Variants in MRTFA observed in about 807,000 individuals in gnomAD.
MRTFA encodes myocardin-related transcription factor A.
MRTFA carries 20 observed loss-of-function variants against 83.5 expected under a neutral mutation model. The ratio of observed to expected loss-of-function variants is 0.24; its 90% CI spans 0.17 to 0.35. The LOEUF is 0.35. Among genes scored for constraint, MRTFA ranks in the 10% least tolerant of loss-of-function variants. MRTFA has a pLI of 1.00. For missense variants in MRTFA, 1,200 were observed against 1,224.7 expected (o/e 0.98, Z 0.30); for synonymous variants, 659 against 541.2 (o/e 1.22, Z -3.02).
At chr22:40,549,770 G>A (rs1193453867) in intron 3 of MRTFA, among the ~76,000 whole-genome samples, 1 of 152,138 alleles carries the variant, frequency 6.6e-6, no homozygotes, top group African/African-American at 2.4e-5. Context: ...TTAGATTGAG[G>A]GCTAGGTGTG....
At chr22:40,616,751 T>C (rs2056453171) in intron 1 of MRTFA, among the ~76,000 whole-genome samples, 1 of 152,058 alleles carries the variant, frequency 6.6e-6, no homozygotes, top group Non-Finnish European at 1.5e-5. Flanking sequence ...GGAATGTAAA[T>C]TTGAGATGTC....
At chr22:40,455,479 T>C (rs1347184650) in intron 4 of MRTFA, among the ~76,000 whole-genome samples, 1 of 151,922 alleles carries the variant, frequency 6.6e-6, no homozygotes, top group African/African-American at 2.4e-5. Flanking sequence ...ACCCCGTCTC[T>C]ACTAAAAATA....
rs1267844629 is a variant in MRTFA, at chr22:40,420,561, G to A, written c.1197C>T (p.Ala399=). ...CTGGGGGGGTCCCGCTGCTTCCCAGGGCCTCGCCTGCTGACCTGGGAAGAA... is the reference window on the plus strand; with the variant it reads ...CTGGGGGGGTCCCGCTGCTTCCCAGAGCCTCGCCTGCTGACCTGGGAAGAA... The change falls in exon 11 of 15, where the codon GCC becomes GCT. Residue 399 remains alanine, a synonymous_variant. Transcript: ENST00000355630. 1.2e-6 allele frequency: 2 copies of A among 1,613,238 alleles called. No homozygotes were observed. Among genetic ancestry groups the A allele is most frequent in the Non-Finnish European group, 1.7e-6 (2 of 1,179,942 alleles).
At chr22:40,607,339 C>T (rs950964698) in intron 1 of MRTFA, among the ~76,000 whole-genome samples, 8 of 152,070 alleles carry the variant, frequency 5.3e-5, no homozygotes, top group African/African-American at 1.9e-4. Flanking sequence ...CCCATCTCTA[C>T]TAAAAATACA....
At chr22:40,440,148 T>C (rs2053247631) in intron 4 of MRTFA, among the ~76,000 whole-genome samples, 1 of 123,112 alleles carries the variant, frequency 8.1e-6, no homozygotes, top group Non-Finnish European at 1.6e-5. Flanking sequence ...TGAGACTCCG[T>C]CTCAAAAAAA....
At chr22:40,534,116 C>T (rs902421801) in intron 3 of MRTFA, among the ~76,000 whole-genome samples, 9 of 152,094 alleles carry the variant, frequency 5.9e-5, no homozygotes, top group African/African-American at 1.9e-4. Flanking sequence ...AATTACTGAC[C>T]CATTGATGAG....
In MRTFA at chr22:40,590,397, G is replaced by A. The variant is rs142944676; in HGVS notation, c.-22+4277C>T. Among the ~76,000 whole-genome samples, 487 of 152,116 alleles carry A rather than the reference G, an allele frequency of 3.2e-3. 5 individuals are homozygous for A. Among genetic ancestry groups the A allele is most frequent in the South Asian group, 0.012 (57 of 4,816 alleles). On this transcript the variant is annotated intron_variant, in intron 2 of 14. Coordinates refer to ENST00000355630, the MANE Select transcript of MRTFA (RefSeq NM_020831.6). ...AAAAAGCTCCAGTGTAGCCGGGCGC[G>A]GTGGCTCATACCTGTAATCCCAGCA...
At chr22:40,470,299 G>A (rs1310753911) in intron 3 of MRTFA, among the ~76,000 whole-genome samples, 1 of 106,494 alleles carries the variant, frequency 9.4e-6, no homozygotes, top group African/African-American at 4.0e-5. Flanking sequence ...ATAATAAAGA[G>A]CAAAAGAAAA....
chr22:40,479,947 G>T (rs967809072), intron 3 of MRTFA, among the ~76,000 whole-genome samples: 1 of 152,106 alleles, frequency 6.6e-6, no homozygotes, highest in Non-Finnish European at 1.5e-5. Flanking sequence ...CATCTAACCA[G>T]GTAACTTTCA....
At chr22:40,535,462 C>A (rs989980055) in intron 3 of MRTFA, among the ~76,000 whole-genome samples, 15 of 151,158 alleles carry the variant, frequency 9.9e-5, no homozygotes, top group African/African-American at 3.7e-4. Flanking sequence ...AAGCGATCCT[C>A]CTACCTCAGC....
intron 2 of MRTFA, among the ~76,000 whole-genome samples, chr22:40,576,365 G>C (rs951547595): frequency 3.9e-5 from 6 of 152,140 alleles, no homozygotes; most frequent in Non-Finnish European, 5.9e-5. Context: ...ATTCATCTCA[G>C]TATATGAATG....
intron 14 of MRTFA, among the ~76,000 whole-genome samples, chr22:40,413,549 C>T (rs2052608710): frequency 1.3e-5 from 2 of 151,672 alleles, no homozygotes; most frequent in Non-Finnish European, 1.5e-5. Flanking sequence ...CCTCGTGATC[C>T]GCCTGCCTTG....
At chr22:40,439,366 A>C (rs1476252912) in intron 4 of MRTFA, among the ~76,000 whole-genome samples, 1 of 151,976 alleles carries the variant, frequency 6.6e-6, no homozygotes, top group Non-Finnish European at 1.5e-5. Flanking sequence ...TTAGTCAGGC[A>C]TGGTGGCAGG....
intron 1 of MRTFA, among the ~76,000 whole-genome samples, chr22:40,613,174 ATTCCT>A (rs981571284): frequency 1.1e-4 from 16 of 152,236 alleles, no homozygotes; most frequent in African/African-American, 3.9e-4. Context: ...TCCATAATTC[ATTCCT>A]TTCTTTTTTC....
In MRTFA at chr22:40,418,770, C is replaced by T. The variant is rs1055603975; in HGVS notation, c.1968G>A (p.Glu656=). The change falls in exon 12 of 15, where the codon GAG becomes GAA. Residue 656 remains glutamate (E), a synonymous_variant. Transcript: ENST00000355630. Reference sequence around the variant, plus strand: ...CGGGCTGCTGGGCTCGCTTCTCCTGCTCCAGCTGCAGCTTGAGCCGCTCCA... The same window carrying T: ...CGGGCTGCTGGGCTCGCTTCTCCTGTTCCAGCTGCAGCTTGAGCCGCTCCA... 1 of 1,563,832 alleles carries T rather than the reference C, an allele frequency of 6.4e-7. No homozygotes were observed. The highest frequency in any genetic ancestry group is 8.6e-7 in the Non-Finnish European group (1 of 1,161,302).
At chr22:40,458,495 G>C (rs1168945223) in intron 4 of MRTFA, among the ~76,000 whole-genome samples, 1 of 152,140 alleles carries the variant, frequency 6.6e-6, no homozygotes, top group Non-Finnish European at 1.5e-5. Context: ...CAACCCTGAA[G>C]GGAAGGGAAC....
At chr22:40,429,539 A>T (rs775007975) in intron 7 of MRTFA, 67 bp downstream of exon 7, 1 of 1,589,908 alleles carries the variant, frequency 6.3e-7, no homozygotes. Context: ...ATTCTGCTTC[A>T]GCCTGGCACT....
At chr22:40,632,480 G>C (rs2056652589) in intron 1 of MRTFA, among the ~76,000 whole-genome samples, 1 of 151,902 alleles carries the variant, frequency 6.6e-6, no homozygotes, top group African/African-American at 2.4e-5. Flanking sequence ...CTGCCGCCCA[G>C]GCTGGAGTGC....
intron 2 of MRTFA, among the ~76,000 whole-genome samples, chr22:40,560,663 G>A (rs1476036147): frequency 6.6e-6 from 1 of 151,986 alleles, no homozygotes. Context: ...TTTTATCAAA[G>A]GATCAGTAAC....
Sources: allele counts gnomAD v4.1 joint callset (sites outside exome capture counted in the v4.1 genomes callset), GRCh38; gene constraint gnomAD v4.1.1; transcripts MANE v1.5; gene names NCBI Gene and HGNC (gene_info 2026-07-23, HGNC 2026-07-21).